ACSF3: variants seen among roughly 807,000 people sequenced by gnomAD.
ACSF3 encodes malonate--CoA ligase ACSF3, mitochondrial.
A neutral mutation model predicts 53.2 loss-of-function variants in ACSF3; 78 were observed. The ratio of observed to expected loss-of-function variants is 1.47; its 90% CI spans 1.22 to 1.77. The LOEUF (loss-of-function observed/expected upper bound fraction) is 1.77, where lower values mean the gene tolerates loss of function less well. Ranked by LOEUF, ACSF3 falls within the 40% of genes most tolerant of loss-of-function variation. The pLI is 0.00. For synonymous variants in ACSF3, 414 were observed against 333.1 expected (o/e 1.24, Z -2.65); for missense variants, 937 against 771.1 (o/e 1.22, Z -2.55).
intron 10 of ACSF3, 68 bp from the exon 11 acceptor site, chr16:89,154,022 G>T: frequency 1.3e-6 from 2 of 1,519,854 alleles, no homozygotes; most frequent in Non-Finnish European, 1.8e-6. Flanking sequence ...CCGTACTGCT[G>T]GGCGCCTGAG....
chr16:89,148,095 T>C (rs1913442270), intron 10 of ACSF3: 1 of 145,514 alleles, frequency 6.9e-6, no homozygotes, highest in African/African-American at 2.6e-5. Context: ...GGTTTCTTCT[T>C]TTTTGGTTTT....
At chr16:89,106,010 G>A (rs371019233) in intron 4 of ACSF3, among the ~76,000 whole-genome samples, 17 of 152,344 alleles carry the variant, frequency 1.1e-4, no homozygotes, top group South Asian at 6.2e-4. Flanking sequence ...ACAGGCACAC[G>A]GCTTGGGAGC....
chr16:89,122,054 C>T (rs1253562631), intron 7 of ACSF3, among the ~76,000 whole-genome samples: 2 of 132,510 alleles, frequency 1.5e-5, no homozygotes, highest in Non-Finnish European at 3.3e-5. Flanking sequence ...GTGGAAACCT[C>T]TCACCTGGGG....
chr16:89,130,429 C>G (rs1214040556), intron 7 of ACSF3, among the ~76,000 whole-genome samples: 2 of 152,094 alleles, frequency 1.3e-5, no homozygotes, highest in East Asian at 1.9e-4. Flanking sequence ...CAAAAATTAG[C>G]CAGGCATGGT....
chr16:89,112,237 A>G lies in ACSF3; in HGVS notation c.968A>G (p.Glu323Gly), dbSNP rs763905646. 2 of 1,614,086 alleles carry G rather than the reference A, an allele frequency of 1.2e-6. No individual in the cohort carries two copies. Among genetic ancestry groups the G allele is most frequent in the East Asian group, 4.5e-5 (2 of 44,904 alleles). ...GATTTCTTGCGTGCAGTTTGTGAAG[A>G]AAAAATTAGGTAAGTGAAAAGAGCC... ...AQDFLRAVCEEKIRLMVSGSA... is the reference protein window; with the variant it reads ...AQDFLRAVCEGKIRLMVSGSA... Residue 323 changes from glutamate to glycine, a missense_variant, in exon 5 of 11, where the codon GAA (glutamate) becomes GGA (glycine). By Grantham distance (98) the Glu-to-Gly change is moderately conservative. Transcript: ENST00000614302.
At chr16:89,105,937 T>C (rs921775469) in intron 4 of ACSF3, among the ~76,000 whole-genome samples, 1 of 152,242 alleles carries the variant, frequency 6.6e-6, no homozygotes, top group Non-Finnish European at 1.5e-5. Flanking sequence ...GGATCTGGGC[T>C]TTCTGGTCTT....
chr16:89,097,659 G>A (rs1205936727), intron 1 of ACSF3, among the ~76,000 whole-genome samples: 1 of 152,208 alleles, frequency 6.6e-6, no homozygotes, highest in Non-Finnish European at 1.5e-5. Context: ...CCGATCTCGT[G>A]TCTTGTGTCT....
At chr16:89,128,222 C>A (rs12102787) in intron 7 of ACSF3, among the ~76,000 whole-genome samples, 1 of 150,676 alleles carries the variant, frequency 6.6e-6, no homozygotes, top group Non-Finnish European at 1.5e-5. Context: ...TTAGCTGCAT[C>A]CCCAAATTTA....
rs200349157 is a variant in ACSF3, at chr16:89,156,176, C to T, written c.*1969C>T. Among the ~76,000 whole-genome samples the T allele has an allele frequency of 1.3e-5, 2 of 152,182 alleles. No homozygotes were observed. The highest frequency in any genetic ancestry group is 4.8e-5 in the African/African-American group (2 of 41,430). On this transcript the variant is annotated 3_prime_UTR_variant, in exon 11 of 11. Coordinates refer to ENST00000614302, the MANE Select transcript of ACSF3 (RefSeq NM_001243279.3). ...CTGCTCCACCAGCCGAGAACAAGCCCGTCCTGGAGGGAACTCATCCTCTCC... is the reference window on the plus strand; with the variant it reads ...CTGCTCCACCAGCCGAGAACAAGCCTGTCCTGGAGGGAACTCATCCTCTCC...
intron 6 of ACSF3, among the ~76,000 whole-genome samples, chr16:89,118,695 G>A (rs1905831433): frequency 6.6e-6 from 1 of 152,244 alleles, no homozygotes; most frequent in Admixed American, 6.5e-5. Flanking sequence ...CTAATTGGAG[G>A]TTGAGCTCAG....
intron 4 of ACSF3, among the ~76,000 whole-genome samples, chr16:89,109,250 A>AT (rs1976396512): frequency 1.0e-5 from 1 of 99,192 alleles, no homozygotes; most frequent in African/African-American, 4.8e-5. Flanking sequence ...AAAAAAAAAA[A>AT]GAAAAGAAAA....
chr16:89,140,847 A>G (rs190100566), intron 8 of ACSF3, among the ~76,000 whole-genome samples: 25 of 152,344 alleles, frequency 1.6e-4, no homozygotes, highest in African/African-American at 4.8e-4. Context: ...GAGACATGAA[A>G]TAGCACCAAA....
chr16:89,105,087 G>A (rs572794844), intron 4 of ACSF3, among the ~76,000 whole-genome samples: 150 of 151,676 alleles, frequency 9.9e-4, no homozygotes, highest in Admixed American at 4.4e-3. Context: ...TGAGGGCCCC[G>A]TCGCCAGGGT....
chr16:89,099,296 C>A (rs1168897082), intron 2 of ACSF3, among the ~76,000 whole-genome samples: 4 of 152,242 alleles, frequency 2.6e-5, no homozygotes, highest in African/African-American at 9.6e-5. Context: ...GCGGAGGCAC[C>A]CTGGCTTCTT....
intron 7 of ACSF3, among the ~76,000 whole-genome samples, chr16:89,131,144 T>C: frequency 7.2e-6 from 1 of 138,384 alleles, no homozygotes; most frequent in African/African-American, 2.7e-5. Context: ...TTTTTTTTTT[T>C]TTTTTTTGAG....
chr16:89,093,986 C>T lies in ACSF3; in HGVS notation c.-204C>T. On this transcript the variant is annotated 5_prime_UTR_variant, in exon 1 of 11. Coordinates refer to ENST00000614302, the MANE Select transcript of ACSF3 (RefSeq NM_001243279.3). ...GGCAGATCCTGCCCCGTGGCCGCGGCCGTCTCGTAGGTGCGGGCGGCGGGG... is the reference window on the plus strand; with the variant it reads ...GGCAGATCCTGCCCCGTGGCCGCGGTCGTCTCGTAGGTGCGGGCGGCGGGG... 1 of 226,710 alleles carries T rather than the reference C, an allele frequency of 4.4e-6. No individual in the cohort carries two copies. Among genetic ancestry groups the T allele is most frequent in the Non-Finnish European group, 9.6e-6 (1 of 104,582 alleles). 14.0% of individuals were successfully genotyped at this position (226,710 alleles called of 1,614,324 possible).
chr16:89,112,035 C>A, intron 4 of ACSF3, 57 bp from the exon 5 acceptor site: 3 of 169,828 alleles, frequency 1.8e-5, no homozygotes, highest in Admixed American at 1.5e-4. Context: ...CAGGAGCCTC[C>A]GCCACGGGCC....
At chr16:89,094,801 A>G (rs1030204561) in intron 1 of ACSF3, among the ~76,000 whole-genome samples, 10 of 152,238 alleles carry the variant, frequency 6.6e-5, no homozygotes, top group Admixed American at 2.6e-4. Context: ...AGGCTGAGGC[A>G]CGAGGATTTC....
At position 89,103,488 on chromosome 16, in the gene ACSF3, C is replaced by T. The variant is rs181943486; in HGVS notation, c.822+729C>T. On this transcript the variant is annotated intron_variant, in intron 4 of 10. Coordinates refer to ENST00000614302, the MANE Select transcript of ACSF3 (RefSeq NM_001243279.3). ...TTCTGCAGGCACACGGCCTTCTCTC[C>T]GTAGTCAGGGCTCCCTCGGCTTCCC... 2.6e-5 allele frequency among the ~76,000 whole-genome samples: 4 copies of T among 152,352 alleles called. No individual in the cohort carries two copies. The East Asian group carries it at 5.8e-4, about 22-fold the overall frequency.
Sources: allele counts gnomAD v4.1 joint callset (sites outside exome capture counted in the v4.1 genomes callset), GRCh38; gene constraint gnomAD v4.1.1; transcripts MANE v1.5; gene names NCBI Gene and HGNC (gene_info 2026-07-23, HGNC 2026-07-21).